MDM1: variants seen among roughly 807,000 people sequenced by gnomAD.
MDM1 encodes stabilizer of axonemal microtubules 6, also known as Mdm1 nuclear protein.
Under a neutral mutation model 89.1 loss-of-function variants are expected in MDM1, and 61 were observed. The observed-to-expected ratio is 0.68, with a 90% CI of 0.56 to 0.85. The LOEUF is 0.85. MDM1 is among the 40% of genes least tolerant of loss of function. The pLI is 0.00. For synonymous variants in MDM1, 290 were observed against 294.1 expected (o/e 0.99, Z 0.14); for missense variants, 820 against 846.5 (o/e 0.97, Z 0.39).
intron 14 of MDM1, 87 bp downstream of exon 14, chr12:68,296,836 A>T (rs972993337): frequency 8.3e-6 from 7 of 847,126 alleles, no homozygotes; most frequent in Non-Finnish European, 1.2e-5. Context: ...AGTACTTCAT[A>T]AGCTATAAAG....
chr12:68,325,413 C>A, intron 4 of MDM1, 28 bp downstream of exon 4: 2 of 1,468,484 alleles, frequency 1.4e-6, no homozygotes, highest in South Asian at 1.6e-5. Flanking sequence ...TAATGGTACT[C>A]AGAAATGTAT....
In MDM1 at chr12:68,315,062, TC is replaced by T; in HGVS notation, c.1414del (p.Glu472ArgfsTer36). ...DVQKQPGEKE[E>X]EDDNEEEGDR... ...CCCTTCCTCTTCATTGTCGTCCTCC[TC>T]CTCTTTCTCCCCGGGCTGTTTCTGT... On this transcript the variant is annotated frameshift_variant, in exon 10 of 15. Coordinates refer to ENST00000682720, the MANE Select transcript of MDM1 (RefSeq NM_001354969.2). LOFTEE classifies it high-confidence loss of function. The T allele has an allele frequency of 6.2e-7, 1 of 1,614,150 alleles. No individual in the cohort carries two copies.
At chr12:68,311,343 C>T (rs1362615751) in intron 12 of MDM1, among the ~76,000 whole-genome samples, 5 of 152,176 alleles carry the variant, frequency 3.3e-5, no homozygotes, top group Non-Finnish European at 7.3e-5. Context: ...CCCACTCACT[C>T]TCCCACTCTC....
chr12:68,327,842 A>G (rs1876233263), intron 2 of MDM1, among the ~76,000 whole-genome samples: 1 of 152,168 alleles, frequency 6.6e-6, no homozygotes, highest in South Asian at 2.1e-4. Context: ...CCTAGACCAC[A>G]GGTCTTCTCA....
intron 4 of MDM1, chr12:68,323,459 C>T: frequency 2.5e-6 from 1 of 396,786 alleles, no homozygotes; most frequent in Non-Finnish European, 4.4e-6. Flanking sequence ...CAAAATATAG[C>T]TTATAATCAA....
Position 68,323,192 on chromosome 12 carries a change from C to G in MDM1, c.682G>C (p.Val228Leu), listed in dbSNP as rs1875472224. ...CTTTTGTATTCAGTTTCATGGATGA[C>G]TGAGTTACCTTTGAATGGTGGAACA... ...QFVPPFKGNSVIHETEYKRNF... is the reference protein window; with the variant it reads ...QFVPPFKGNSLIHETEYKRNF... The change falls in exon 5 of 15, where the codon GTC (valine) becomes CTC (leucine). Residue 228 changes from valine to leucine, a missense_variant. Val to Leu is a conservative substitution (Grantham distance 32, BLOSUM62 1). Transcript: ENST00000682720. The G allele has an allele frequency of 6.2e-7, 1 of 1,608,136 alleles. No homozygotes were observed. Among genetic ancestry groups the G allele is most frequent in the African/African-American group, 1.3e-5 (1 of 74,494 alleles).
rs900499781 is a variant in MDM1 at position 68,315,081 on chromosome 12, G to A, written c.1396C>T (p.Gln466Ter). Residue 466 changes from glutamine (Q) to a stop codon, truncating the protein, a stop_gained, in exon 10 of 15, where the codon CAG becomes TAG. Transcript: ENST00000682720. LOFTEE classifies it high-confidence loss of function. Reference protein sequence around the residue: ...TENTSEDVQKQPGEKEEEDDN... With the variant: ...TENTSEDVQK ...TCCTCCTCCTCTTTCTCCCCGGGCT[G>A]TTTCTGTACGTCTTCACTTGTGTTC... 2 of 1,614,042 alleles carry A rather than the reference G, an allele frequency of 1.2e-6. No homozygotes were observed. Among genetic ancestry groups the A allele is most frequent in the Admixed American group, 3.3e-5 (2 of 59,998 alleles).
intron 8 of MDM1, 32 bp from the exon 9 acceptor site, chr12:68,316,285 T>C (rs375035148): frequency 1.1e-5 from 17 of 1,571,118 alleles, no homozygotes; most frequent in Non-Finnish European, 1.4e-5. Context: ...TCATATACTA[T>C]TGTAAATGCT....
intron 2 of MDM1, chr12:68,327,562 C>A: frequency 6.7e-7 from 1 of 1,486,438 alleles, no homozygotes; most frequent in South Asian, 1.2e-5. Context: ...GATACAATTT[C>A]TCTATATTTC....
At position 68,314,819 on chromosome 12, in the gene MDM1, T is replaced by G; in HGVS notation, c.1529+129A>C. On this transcript the variant is annotated intron_variant, in intron 10 of 14. Transcript: ENST00000682720. ...TCACCATACAGCAGTGCCTCCTTTG[T>G]GACATTGAAATAAAATCTGCAATTT... 3 of 803,764 alleles carry G rather than the reference T, an allele frequency of 3.7e-6. No homozygotes were observed. In the South Asian group the frequency reaches 5.2e-5, roughly 14 times the overall value. The allele number at this position is 803,764 out of a possible 1,614,324, so 49.8% of individuals were successfully genotyped here.
At chr12:68,295,950 T>C (rs1174336543) in intron 14 of MDM1, among the ~76,000 whole-genome samples, 2 of 152,190 alleles carry the variant, frequency 1.3e-5, no homozygotes, top group Non-Finnish European at 2.9e-5. Flanking sequence ...GGATTCAAAG[T>C]TGTCAGACAT....
At chr12:68,300,210 G>A (rs1164663727) in intron 13 of MDM1, among the ~76,000 whole-genome samples, 2 of 152,110 alleles carry the variant, frequency 1.3e-5, no homozygotes, top group East Asian at 3.8e-4. Context: ...TGAAACAAAA[G>A]CTTGATATGC....
Position 68,302,881 on chromosome 12 carries a change from C to CAG in MDM1, c.1750-10_1750-9insCT. The stretch of plus-strand genomic sequence containing the variant: ...ACAGCACGACTTTCTTTCTAAATGA[C>CAG]AAAAAAAAAAAAAAAAAAAAGATGC... On this transcript the variant is annotated splice_polypyrimidine_tract_variant and intron_variant, in intron 12 of 14. Transcript: ENST00000682720. 2 of 1,103,228 alleles carry CAG rather than the reference C, an allele frequency of 1.8e-6. No individual in the cohort carries two copies. The highest frequency in any genetic ancestry group is 2.0e-5 in the African/African-American group (1 of 49,064). 68.3% of individuals were successfully genotyped at this position (1,103,228 alleles called of 1,614,324 possible). A position where few individuals can be genotyped will look rare whatever the true frequency, so the allele number is the denominator to read the frequency against.
chr12:68,299,878 T>C (rs570438416), intron 13 of MDM1, among the ~76,000 whole-genome samples: 3 of 152,252 alleles, frequency 2.0e-5, no homozygotes, highest in Admixed American at 6.5e-5. Context: ...CCAAGGCACA[T>C]AGTCATCAGG....
chr12:68,311,629 A>G (rs1873704240), intron 12 of MDM1, among the ~76,000 whole-genome samples: 1 of 152,132 alleles, frequency 6.6e-6, no homozygotes, highest in Non-Finnish European at 1.5e-5. Context: ...GCATCTTTCC[A>G]ACAACTTTCC....
At chr12:68,312,697 T>C (rs1038449535) in intron 12 of MDM1, among the ~76,000 whole-genome samples, 1 of 152,206 alleles carries the variant, frequency 6.6e-6, no homozygotes, top group African/African-American at 2.4e-5. Flanking sequence ...TCAAAATCTT[T>C]GCTATGATTT....
chr12:68,299,179 T>G (rs1431233339), intron 13 of MDM1, among the ~76,000 whole-genome samples: 1 of 151,670 alleles, frequency 6.6e-6, no homozygotes. Context: ...ATTAGAATAG[T>G]CTACCCAAAA....
chr12:68,328,604 C>A (rs1438211991), intron 2 of MDM1, among the ~76,000 whole-genome samples: 1 of 152,054 alleles, frequency 6.6e-6, no homozygotes, highest in Non-Finnish European at 1.5e-5. Context: ...TGACGAAGCA[C>A]AATGTTTTTC....
At chr12:68,314,885 G>T in intron 10 of MDM1, 63 bp downstream of exon 10, 1 of 1,359,882 alleles carries the variant, frequency 7.4e-7, no homozygotes, top group South Asian at 1.3e-5. Context: ...TATATTTAGT[G>T]ACAAAATACA....
Sources: allele counts gnomAD v4.1 joint callset (sites outside exome capture counted in the v4.1 genomes callset), GRCh38; gene constraint gnomAD v4.1.1; transcripts MANE v1.5; gene names NCBI Gene and HGNC (gene_info 2026-07-23, HGNC 2026-07-21).